Variants in CUTC observed in about 807,000 individuals in gnomAD.
The protein encoded by CUTC is copper homeostasis protein cutC homolog.
In CUTC, 27 loss-of-function variants were observed where a neutral mutation model predicts 36.2. That is an observed-to-expected ratio of 0.75 (90% CI 0.55 to 1.03). CUTC has a LOEUF of 1.03. Among genes scored for constraint, CUTC ranks in the 50% least tolerant of loss-of-function variants. The pLI is 0.00. For synonymous variants in CUTC, 114 were observed against 118.3 expected (o/e 0.96, Z 0.24); for missense variants, 315 against 343.5 (o/e 0.92, Z 0.66).
chr10:99,745,920 A>G (rs1237910570), intron 5 of CUTC, among the ~76,000 whole-genome samples: 1 of 152,228 alleles, frequency 6.6e-6, no homozygotes, highest in African/African-American at 2.4e-5. Flanking sequence ...AACTACCCTT[A>G]TGCTATGAAC....
intron 1 of CUTC, among the ~76,000 whole-genome samples, chr10:99,733,050 A>C (rs948372426): frequency 2.6e-5 from 4 of 152,200 alleles, no homozygotes; most frequent in African/African-American, 9.6e-5. Context: ...ATTAGAAATT[A>C]AAACAAATTT....
At chr10:99,736,807 C>T (rs137916559) in intron 2 of CUTC, among the ~76,000 whole-genome samples, 82 of 152,116 alleles carry the variant, frequency 5.4e-4, no homozygotes, top group African/African-American at 1.9e-3. Flanking sequence ...GATAATGAAG[C>T]CCCATGTATG....
In CUTC at chr10:99,755,791, T is replaced by C. The variant is rs762423037; in HGVS notation, c.*52T>C. The C allele has an allele frequency of 8.7e-7, 1 of 1,155,524 alleles. No homozygotes were observed. The highest frequency in any genetic ancestry group is 1.5e-5 in the African/African-American group (1 of 65,972). The allele number at this position is 1,155,524 out of a possible 1,614,324, so 71.6% of individuals were successfully genotyped here. ...TCACAGGATGAAGGTAGAACTATAA[T>C]CTGCAATTCTCTATGACACAGCTTT... On this transcript the variant is annotated 3_prime_UTR_variant, in exon 9 of 9. Transcript: ENST00000370476.
rs2037352877 is a variant in CUTC at position 99,743,196 on chromosome 10, T to G, written c.237T>G (p.Phe79Leu). 6.2e-7 allele frequency: 1 copy of G among 1,614,170 alleles called. No individual in the cohort carries two copies. Among genetic ancestry groups the G allele is most frequent in the Non-Finnish European group, 8.5e-7 (1 of 1,180,034 alleles). ...AGCAGAGTGTTCAGATCCCAGTTTTTGTGATGATTCGGCCACGGGGAGGTG... is the reference window on the plus strand; with the variant it reads ...AGCAGAGTGTTCAGATCCCAGTTTTGGTGATGATTCGGCCACGGGGAGGTG... ...VVKQSVQIPV[F>L]VMIRPRGGDF... The change falls in exon 4 of 9, where the codon TTT becomes TTG. Residue 79 changes from phenylalanine to leucine, a missense_variant. Coordinates refer to ENST00000370476, the MANE Select transcript of CUTC (RefSeq NM_015960.3).
At chr10:99,737,966 A>G (rs1329905737) in intron 2 of CUTC, among the ~76,000 whole-genome samples, 2 of 152,042 alleles carry the variant, frequency 1.3e-5, no homozygotes, top group African/African-American at 4.8e-5. Flanking sequence ...CTCAACATGG[A>G]GAAACCCCGT....
At chr10:99,754,336 T>C (rs1590123492) in intron 7 of CUTC, among the ~76,000 whole-genome samples, 193 bp from the exon 8 acceptor site, 1 of 152,226 alleles carries the variant, frequency 6.6e-6, no homozygotes, top group African/African-American at 2.4e-5. Context: ...TAATGGTACT[T>C]CCCCAGAGTC....
intron 1 of CUTC, among the ~76,000 whole-genome samples, chr10:99,735,101 CAAAAAAAAAAAAAAA>C (rs56971127): frequency 7.3e-5 from 5 of 68,770 alleles, no homozygotes; most frequent in Non-Finnish European, 1.3e-4. Flanking sequence ...GACTCTGTAT[CAAAAAAAAAAAAAAA>C]AAAAAAAAAA....
At chr10:99,750,344 C>G in intron 6 of CUTC, 25 bp from the exon 7 acceptor site, 2 of 1,533,256 alleles carry the variant, frequency 1.3e-6, no homozygotes, top group Non-Finnish European at 1.8e-6. Flanking sequence ...TTAAAATTCA[C>G]TTGTTTTTTT....
intron 6 of CUTC, among the ~76,000 whole-genome samples, chr10:99,747,800 C>T (rs552364018): frequency 6.6e-6 from 1 of 152,306 alleles, no homozygotes; most frequent in South Asian, 2.1e-4. Flanking sequence ...GGATTACAGG[C>T]ATGAGGCACT....
intron 6 of CUTC, among the ~76,000 whole-genome samples, chr10:99,749,462 C>T (rs2037401296): frequency 6.6e-6 from 1 of 151,994 alleles, no homozygotes; most frequent in African/African-American, 2.4e-5. Context: ...ACTTTGATAG[C>T]CTTAGATAAG....
chr10:99,738,633 GTCC>G (rs1390262724), intron 2 of CUTC, among the ~76,000 whole-genome samples: 1 of 152,034 alleles, frequency 6.6e-6, no homozygotes, highest in Non-Finnish European at 1.5e-5. Context: ...GTTTAACATA[GTCC>G]TCTGACCACT....
intron 7 of CUTC, among the ~76,000 whole-genome samples, chr10:99,752,765 C>T (rs2037429189): frequency 2.0e-5 from 3 of 152,164 alleles, no homozygotes; most frequent in Admixed American, 2.0e-4. Context: ...CTTTAACAAA[C>T]CTTATCAGGT....
At position 99,747,395 on chromosome 10, in the gene CUTC, G is replaced by A. The variant is rs374010955; in HGVS notation, c.573+5G>A. On this transcript the variant is annotated splice_donor_5th_base_variant and intron_variant, in intron 6 of 8. Transcript: ENST00000370476. ...ATAAAGCGACTCATTGAGCAGGTAC[G>A]TGGACTTTATCTTTTTTTCCCCTAA... The A allele has an allele frequency of 3.3e-5, 54 of 1,613,934 alleles. No homozygotes were observed. The highest frequency in any genetic ancestry group is 8.0e-5 in the African/African-American group (6 of 75,030).
At position 99,744,027 on chromosome 10, in the gene CUTC, C is replaced by G. The variant is rs147251945; in HGVS notation, c.404-10C>G. On this transcript the variant is annotated splice_polypyrimidine_tract_variant and intron_variant, in intron 4 of 8. Transcript: ENST00000370476. ...TTCATTCATGTTGTTATATGACTTT[C>G]TTTTTATAGCTATTTGCCGCCCTCT... 9.9e-6 allele frequency: 16 copies of G among 1,610,590 alleles called. No individual in the cohort carries two copies. The highest frequency in any genetic ancestry group is 1.4e-5 in the Non-Finnish European group (16 of 1,177,994).
At chr10:99,736,196 C>A in intron 1 of CUTC, 50 bp from the exon 2 acceptor site, 2 of 1,511,708 alleles carry the variant, frequency 1.3e-6, no homozygotes, top group South Asian at 2.3e-5. Flanking sequence ...GTAAATTGGT[C>A]TGGATGGATA....
chr10:99,742,202 G>GT (rs1247180188), intron 3 of CUTC, among the ~76,000 whole-genome samples: 3 of 151,994 alleles, frequency 2.0e-5, no homozygotes, highest in Non-Finnish European at 4.4e-5. Flanking sequence ...TATTTTGTCT[G>GT]TTTTTTTATT....
rs1343686035 is a variant in CUTC, at chr10:99,736,315, G to A, written c.131G>A (p.Gly44Glu). Reference protein sequence around the residue: ...SVESAVNAERGGADRIELCSG... With the variant: ...SVESAVNAEREGADRIELCSG... The stretch of plus-strand genomic sequence containing the variant: ...GAATCAGCTGTGAATGCAGAAAGAG[G>A]AGGTAAGAGAAATCAGATAGTGAAT... Residue 44 changes from glycine to glutamate, a missense_variant and splice_region_variant, in exon 2 of 9, where the codon GGA (glycine) becomes GAA (glutamate). By Grantham distance (98) the Gly-to-Glu change is moderately conservative (BLOSUM62 -2). Transcript: ENST00000370476. 6.2e-7 allele frequency: 1 copy of A among 1,611,878 alleles called. No homozygotes were observed. The highest frequency in any genetic ancestry group is 8.5e-7 in the Non-Finnish European group (1 of 1,178,160).
chr10:99,741,804 T>G (rs1226566708), intron 3 of CUTC, among the ~76,000 whole-genome samples: 1 of 152,204 alleles, frequency 6.6e-6, no homozygotes. Context: ...ACTCCTTGCC[T>G]CAGGCAATCC....
intron 7 of CUTC, 66 bp downstream of exon 7, chr10:99,750,462 C>A (rs975990451): frequency 2.0e-5 from 26 of 1,271,440 alleles, no homozygotes; most frequent in Admixed American, 9.2e-5. Context: ...GCAAAGGAGG[C>A]AGGAAAATGT....
Sources: gnomAD v4.1 joint callset for allele counts (sites outside exome capture counted in the v4.1 genomes callset) on GRCh38, gnomAD v4.1.1 for gene constraint, MANE v1.5 for transcripts, NCBI Gene and HGNC (gene_info 2026-07-23, HGNC 2026-07-21) for gene names.